Variants in HIRA observed in about 807,000 individuals in gnomAD.
The protein encoded by HIRA is histone cell cycle regulator.
In HIRA, 13 loss-of-function variants were observed where a neutral mutation model predicts 126.6. That is an observed-to-expected ratio of 0.10 (90% CI 0.07 to 0.16). HIRA has a LOEUF of 0.16. Ranked by LOEUF, HIRA falls within the 10% of genes least tolerant of loss-of-function variation. HIRA has a pLI of 1.00. For synonymous variants in HIRA, 511 were observed against 520.0 expected (o/e 0.98, Z 0.24); for missense variants, 834 against 1,314.4 (o/e 0.63, Z 5.65).
chr22:19,410,741 C>T lies in HIRA; in HGVS notation c.75G>A (p.Gly25=). 6.2e-7 allele frequency: 1 copy of T among 1,613,950 alleles called. No homozygotes were observed. The highest frequency in any genetic ancestry group is 1.1e-5 in the South Asian group (1 of 91,024). The change falls in exon 2 of 25, where the codon GGG becomes GGA. Residue 25 remains glycine, a synonymous_variant. Transcript: ENST00000263208. ...PIFSVDIHPD[G]TKFATGGQGQ... The stretch of plus-strand genomic sequence containing the variant: ...CTTGTCCTCCAGTTGCGAACTTGGT[C>T]CCGTCAGGGTGAATATCAACTGAAA...
At chr22:19,375,546 T>C in intron 15 of HIRA, 85 bp downstream of exon 15, 1 of 1,434,334 alleles carries the variant, frequency 7.0e-7, no homozygotes, top group Non-Finnish European at 9.6e-7. Flanking sequence ...GGAAGGCAGG[T>C]TGCTTGGTGG....
chr22:19,401,099 C>T (rs1054965307), intron 5 of HIRA, among the ~76,000 whole-genome samples: 1 of 152,102 alleles, frequency 6.6e-6, no homozygotes, highest in African/African-American at 2.4e-5. Flanking sequence ...AAGCTCAGCT[C>T]CTCTCCTAGT....
At chr22:19,347,591 T>C (rs1174622241) in intron 24 of HIRA, among the ~76,000 whole-genome samples, 1 of 152,174 alleles carries the variant, frequency 6.6e-6, no homozygotes, top group Non-Finnish European at 1.5e-5. Flanking sequence ...AGGGATGCCT[T>C]TGCTTTGGAA....
At chr22:19,380,316 G>A (rs2089061109) in intron 13 of HIRA, among the ~76,000 whole-genome samples, 2 of 152,162 alleles carry the variant, frequency 1.3e-5, no homozygotes, top group Admixed American at 6.5e-5. Context: ...TTATGAGGCT[G>A]GGACCCAACA....
At chr22:19,396,382 G>T (rs1477944821) in intron 7 of HIRA, among the ~76,000 whole-genome samples, 1 of 152,162 alleles carries the variant, frequency 6.6e-6, no homozygotes, top group Non-Finnish European at 1.5e-5. Context: ...TAGGTGTGGT[G>T]GTGGGCACCT....
chr22:19,345,540 T>TA (rs1230967453), intron 24 of HIRA, among the ~76,000 whole-genome samples: 6 of 152,208 alleles, frequency 3.9e-5, no homozygotes, highest in East Asian at 3.8e-4. Context: ...GGTTTTTTTT[T>TA]ATGGACCAGT....
intron 24 of HIRA, among the ~76,000 whole-genome samples, chr22:19,350,697 A>G (rs2088747081): frequency 6.6e-6 from 1 of 152,020 alleles, no homozygotes; most frequent in Non-Finnish European, 1.5e-5. Context: ...TGCCAAGAAG[A>G]AAACGCTAGC....
At chr22:19,398,492 G>A (rs1472243027) in intron 5 of HIRA, among the ~76,000 whole-genome samples, 1 of 152,158 alleles carries the variant, frequency 6.6e-6, no homozygotes, top group African/African-American at 2.4e-5. Context: ...CAGAATGCCT[G>A]GCACAGTCAG....
At chr22:19,389,933 G>A (rs1293004610) in intron 9 of HIRA, among the ~76,000 whole-genome samples, 1 of 150,366 alleles carries the variant, frequency 6.7e-6, no homozygotes, top group South Asian at 2.1e-4. Context: ...GCAGCCAGAG[G>A]ATAACCTTCA....
rs782643529 is a variant in HIRA, at chr22:19,355,783, G to A, written c.2538C>T (p.Cys846=). Residue 846 remains cysteine, a synonymous_variant, in exon 21 of 25, where the codon TGC becomes TGT. Coordinates refer to ENST00000263208, the MANE Select transcript of HIRA (RefSeq NM_003325.4). ...VMNLSDGKAY[C]FNPSLSTWNL... ...ACCATGTGGAAAGTGACGGATTAAA[G>A]CAGTACGCCTTCCCATCGGACAGGT... The A allele has an allele frequency of 6.2e-7, 1 of 1,613,336 alleles. No individual in the cohort carries two copies. Among genetic ancestry groups the A allele is most frequent in the South Asian group, 1.1e-5 (1 of 91,042 alleles).
At chr22:19,426,557 C>G (rs958606961) in intron 1 of HIRA, among the ~76,000 whole-genome samples, 5 of 152,214 alleles carry the variant, frequency 3.3e-5, no homozygotes. Flanking sequence ...CACGCTTATT[C>G]CTCTAGCTCC....
rs1200506643 is a variant in HIRA at position 19,359,204 on chromosome 22, G to A, written c.2234+132C>T. The A allele has an allele frequency of 3.2e-6, 3 of 947,424 alleles. No homozygotes were observed. In the Admixed American group the frequency reaches 1.0e-4, roughly 33 times the overall value. The allele number at this position is 947,424 out of a possible 1,614,324, so 58.7% of individuals were successfully genotyped here. On this transcript the variant is annotated intron_variant, in intron 18 of 24. Coordinates refer to ENST00000263208, the MANE Select transcript of HIRA (RefSeq NM_003325.4). ...CAAGCACATATGCTTGGCCTGGAGTGAAGCCTGGTGTGAGTCTCTGTGGGA... is the reference window on the plus strand; with the variant it reads ...CAAGCACATATGCTTGGCCTGGAGTAAAGCCTGGTGTGAGTCTCTGTGGGA...
At chr22:19,395,456 G>A (rs1172463927) in intron 7 of HIRA, among the ~76,000 whole-genome samples, 2 of 152,152 alleles carry the variant, frequency 1.3e-5, no homozygotes, top group African/African-American at 4.8e-5. Flanking sequence ...GGACCCCACT[G>A]CCTGGCAGTC....
chr22:19,359,670 G>A (rs941514826), intron 17 of HIRA, among the ~76,000 whole-genome samples, 186 bp from the exon 18 acceptor site: 1 of 152,222 alleles, frequency 6.6e-6, no homozygotes, highest in Non-Finnish European at 1.5e-5. Flanking sequence ...GGCCAGACAT[G>A]TGGCCCCCAA....
chr22:19,388,196 C>T (rs968350435), intron 10 of HIRA, among the ~76,000 whole-genome samples: 3 of 152,336 alleles, frequency 2.0e-5, no homozygotes, highest in Non-Finnish European at 2.9e-5. Flanking sequence ...CATGCACTGA[C>T]GGAGTAAAGT....
chr22:19,336,812 T>C (rs2088571872), intron 24 of HIRA, among the ~76,000 whole-genome samples: 1 of 152,158 alleles, frequency 6.6e-6, no homozygotes, highest in African/African-American at 2.4e-5. Flanking sequence ...GTCTGGCTCA[T>C]AGGAATCTCC....
At chr22:19,375,854 A>G in intron 14 of HIRA, 62 bp from the exon 15 acceptor site, 1 of 1,541,750 alleles carries the variant, frequency 6.5e-7, no homozygotes, top group Non-Finnish European at 8.9e-7. Context: ...GAGGTCTAGT[A>G]TTTGCATTAT....
intron 20 of HIRA, 32 bp from the exon 21 acceptor site, chr22:19,355,897 T>C (rs1556012405): frequency 1.4e-6 from 2 of 1,451,098 alleles, no homozygotes; most frequent in Non-Finnish European, 1.9e-6. Context: ...GTTCTGGGTG[T>C]GCTCTGATCA....
chr22:19,391,722 C>T (rs1414734134), intron 9 of HIRA, among the ~76,000 whole-genome samples: 1 of 152,066 alleles, frequency 6.6e-6, no homozygotes, highest in East Asian at 1.9e-4. Flanking sequence ...CCTTGTGATC[C>T]GCCCACCTCG....
Sources: gnomAD v4.1 joint callset for allele counts (sites outside exome capture counted in the v4.1 genomes callset) on GRCh38, gnomAD v4.1.1 for gene constraint, MANE v1.5 for transcripts, NCBI Gene and HGNC (gene_info 2026-07-23, HGNC 2026-07-21) for gene names.